Variants in SIRPA observed in about 807,000 individuals in gnomAD.
SIRPA encodes tyrosine-protein phosphatase non-receptor type substrate 1.
Under a neutral mutation model 50.3 loss-of-function variants are expected in SIRPA, and 9 were observed. The observed-to-expected ratio is 0.18, with a 90% CI of 0.11 to 0.31. The LOEUF (loss-of-function observed/expected upper bound fraction) is 0.31, where lower values mean the gene tolerates loss of function less well. SIRPA is among the 10% of genes least tolerant of loss of function. The probability of loss-of-function intolerance (pLI) is 1.00; values close to 1 mark genes in which losing one functional copy is unlikely to be tolerated. For missense variants in SIRPA, 474 were observed against 661.6 expected (o/e 0.72, Z 3.11); for synonymous variants, 265 against 284.1 (o/e 0.93, Z 0.68).
intron 5 of SIRPA, among the ~76,000 whole-genome samples, chr20:1,925,596 C>G (rs1985932096): frequency 6.6e-6 from 1 of 152,112 alleles, no homozygotes; most frequent in Admixed American, 6.5e-5. Context: ...TTGGTTGTTG[C>G]TGTGGCAGGG....
At chr20:1,905,509 C>T (rs1292469537) in intron 1 of SIRPA, among the ~76,000 whole-genome samples, 2 of 152,176 alleles carry the variant, frequency 1.3e-5, no homozygotes, top group African/African-American at 4.8e-5. Flanking sequence ...GCATTTCCCC[C>T]ATGAAAGTGT....
chr20:1,935,300 G>A (rs903213227), intron 7 of SIRPA, among the ~76,000 whole-genome samples: 1 of 152,200 alleles, frequency 6.6e-6, no homozygotes, highest in Non-Finnish European at 1.5e-5. Context: ...GCAGCAACAC[G>A]GTTTCTGAGA....
At chr20:1,935,124 G>A (rs558946585) in intron 7 of SIRPA, among the ~76,000 whole-genome samples, 1 of 152,128 alleles carries the variant, frequency 6.6e-6, no homozygotes, top group African/African-American at 2.4e-5. Context: ...CCAGCTCACT[G>A]CCCGCTCCTC....
Position 1,928,855 on chromosome 20 carries a change from C to T in SIRPA, c.1226+956C>T, listed in dbSNP as rs74834947. On this transcript the variant is annotated intron_variant, in intron 6 of 7. Coordinates refer to ENST00000358771, the MANE Select transcript of SIRPA (RefSeq NM_001040023.2). The surrounding 1 kb of genome is among the most constrained non-coding windows in gnomAD (Gnocchi z 4.9). ...GATGCCCCTGCAGTCAGAGGTGTTA[C>T]GAACTATTCTGTGAAAAGCCTTTAT... 0.068 allele frequency among the ~76,000 whole-genome samples: 10,309 copies of T among 152,218 alleles called. 1,185 individuals are homozygous for T. The highest frequency in any genetic ancestry group is 0.23 in the African/African-American group (9,686 of 41,494).
At chr20:1,925,680 T>C (rs891692054) in intron 5 of SIRPA, among the ~76,000 whole-genome samples, 6 of 152,194 alleles carry the variant, frequency 3.9e-5, no homozygotes, top group African/African-American at 1.4e-4. Context: ...ATTTGGCCTC[T>C]ACAAGCCTCA....
chr20:1,904,086 C>T (rs957433339), intron 1 of SIRPA, among the ~76,000 whole-genome samples: 2 of 152,070 alleles, frequency 1.3e-5, no homozygotes, highest in African/African-American at 2.4e-5. Flanking sequence ...TGAGGTTGTA[C>T]GAGCAAAGCT....
chr20:1,935,212 C>T (rs576635329), intron 7 of SIRPA, among the ~76,000 whole-genome samples: 3 of 152,348 alleles, frequency 2.0e-5, no homozygotes, highest in African/African-American at 7.2e-5. Flanking sequence ...TGGAAAGACC[C>T]CATGTCATTA....
intron 1 of SIRPA, among the ~76,000 whole-genome samples, chr20:1,897,830 A>G (rs373286815): frequency 3.9e-5 from 6 of 152,212 alleles, no homozygotes; most frequent in South Asian, 4.1e-4. Flanking sequence ...ATGCTGCCAA[A>G]GGGAAATTCT....
intron 1 of SIRPA, among the ~76,000 whole-genome samples, chr20:1,908,683 T>TA (rs1568497298): frequency 6.6e-6 from 1 of 152,218 alleles, no homozygotes; most frequent in Non-Finnish European, 1.5e-5. Flanking sequence ...TGCATACTCT[T>TA]ATGCACCCTC....
At position 1,932,098 on chromosome 20, in the gene SIRPA, T is replaced by C. The variant is rs186138094; in HGVS notation, c.1227-2617T>C. Among the ~76,000 whole-genome samples the C allele has an allele frequency of 1.7e-4, 26 of 151,910 alleles. No individual in the cohort carries two copies. The highest frequency in any genetic ancestry group is 5.6e-4 in the African/African-American group (23 of 41,302). Reference sequence around the variant, plus strand: ...CATTCATTCATTCAGCAAATACATATGGACTGCTGACGATGTGCCAGCCCA... The same window carrying C: ...CATTCATTCATTCAGCAAATACATACGGACTGCTGACGATGTGCCAGCCCA... On this transcript the variant is annotated intron_variant, in intron 6 of 7. Coordinates refer to ENST00000358771, the MANE Select transcript of SIRPA (RefSeq NM_001040023.2). This position sits in a 1 kb window ranked among gnomAD's most constrained non-coding sequence, Gnocchi z 6.0.
At chr20:1,894,256 C>T (rs1268353565), upstream of SIRPA, 1 of 149,482 alleles carries the variant, frequency 6.7e-6, no homozygotes, top group Admixed American at 6.7e-5. This position sits in a 1 kb window ranked among gnomAD's most constrained non-coding sequence, Gnocchi z 4.0. Flanking sequence ...AGACGCCCCC[C>T]CGCCCCCCGC....
intron 1 of SIRPA, among the ~76,000 whole-genome samples, chr20:1,904,880 G>A (rs1231437898): frequency 2.6e-5 from 4 of 152,122 alleles, no homozygotes; most frequent in Non-Finnish European, 5.9e-5. Context: ...TGGGAGGAGA[G>A]GCCATGGAGG....
chr20:1,931,209 A>G (rs552049936), intron 6 of SIRPA, among the ~76,000 whole-genome samples: 9 of 152,052 alleles, frequency 5.9e-5, no homozygotes, highest in Middle Eastern at 3.2e-3. Flanking sequence ...GAGAATCTCT[A>G]TTTCCACAAG....
intron 6 of SIRPA, among the ~76,000 whole-genome samples, chr20:1,931,931 G>A (rs531789255): frequency 2.6e-4 from 40 of 152,312 alleles, no homozygotes; most frequent in Admixed American, 6.5e-4. Flanking sequence ...GGGCTTCCCT[G>A]AGTCTTTCAT....
chr20:1,895,321 G>A (rs1295063534), upstream of SIRPA: 2 of 562,148 alleles, frequency 3.6e-6, no homozygotes, highest in Non-Finnish European at 5.5e-6. Context: ...GCCCGTTCCG[G>A]AGTCGGGGGG....
In SIRPA at chr20:1,898,591, T is replaced by C. The variant is rs1281143343; in HGVS notation, c.79+3065T>C. Among the ~76,000 whole-genome samples the C allele has an allele frequency of 6.6e-6, 1 of 152,080 alleles. No individual in the cohort carries two copies. The highest frequency in any genetic ancestry group is 6.5e-5 in the Admixed American group (1 of 15,272). On this transcript the variant is annotated intron_variant, in intron 1 of 7. Coordinates refer to ENST00000358771, the MANE Select transcript of SIRPA (RefSeq NM_001040023.2). The surrounding 1 kb of genome is among the most constrained non-coding windows in gnomAD (Gnocchi z 4.3). ...AGTCCCAAACTGGGGAACTAACTTA[T>C]AAGTGATAGAGAGGAGCCAGGATTT...
chr20:1,907,690 G>A (rs1984629188), intron 1 of SIRPA, among the ~76,000 whole-genome samples: 1 of 152,200 alleles, frequency 6.6e-6, no homozygotes, highest in African/African-American at 2.4e-5. Flanking sequence ...TGTCCAGGAC[G>A]GCCCCACATG....
At chr20:1,929,168 T>C (rs1386962031) in intron 6 of SIRPA, among the ~76,000 whole-genome samples, 1 of 151,926 alleles carries the variant, frequency 6.6e-6, no homozygotes, top group Non-Finnish European at 1.5e-5. Flanking sequence ...TTATCCGCAG[T>C]GGGATGAGGA....
intron 1 of SIRPA, among the ~76,000 whole-genome samples, chr20:1,899,094 T>A (rs1207193097): frequency 6.6e-6 from 1 of 151,704 alleles, no homozygotes; most frequent in Non-Finnish European, 1.5e-5. Flanking sequence ...TGACGGAAGG[T>A]TTCCCCCCTC....
Sources: gnomAD v4.1 joint callset for allele counts (sites outside exome capture counted in the v4.1 genomes callset) on GRCh38, gnomAD v4.1.1 for gene constraint, Gnocchi (gnomAD v3.1) non-coding constraint, MANE v1.5 for transcripts, NCBI Gene and HGNC (gene_info 2026-07-23, HGNC 2026-07-21) for gene names.